GRIA3: variants seen among roughly 807,000 people sequenced by gnomAD.
GRIA3 encodes the protein glutamate receptor 3.
A neutral mutation model predicts 63.0 loss-of-function variants in GRIA3; 3 were observed. That is an observed-to-expected ratio of 0.05 (90% CI 0.02 to 0.12). GRIA3 has a LOEUF of 0.12. Among genes scored for constraint, GRIA3 ranks in the 10% least tolerant of loss-of-function variants. The pLI, the probability that GRIA3 is intolerant of heterozygous loss-of-function variation, is 1.00. For synonymous variants in GRIA3, 274 were observed against 257.9 expected (o/e 1.06, Z -0.60); for missense variants, 347 against 700.9 (o/e 0.50, Z 5.70).
intron 6 of GRIA3, 136 bp downstream of exon 6, chrX:123,395,265 C>T: frequency 1.8e-6 from 1 of 560,271 alleles, no homozygotes; most frequent in Non-Finnish European, 3.1e-6. Flanking sequence ...AAAACAACTG[C>T]AGGTGATGCT....
chrX:123,220,546 G>C (rs762608968), intron 2 of GRIA3, among the ~76,000 whole-genome samples: 1 of 111,043 alleles, frequency 9.0e-6, no homozygotes, highest in Non-Finnish European at 1.9e-5. Flanking sequence ...TCTACCTCAG[G>C]TAAAAGCTCA....
intron 3 of GRIA3, among the ~76,000 whole-genome samples, chrX:123,300,361 T>G (rs1479171991): frequency 8.7e-5 from 1 of 11,550 alleles, no homozygotes; most frequent in African/African-American, 3.3e-4. Context: ...GGTCCTGGGC[T>G]TTTTTTTTTT....
At chrX:123,436,268 C>T (rs184114854) in intron 12 of GRIA3, among the ~76,000 whole-genome samples, 1 of 111,671 alleles carries the variant, frequency 9.0e-6, no homozygotes, top group East Asian at 2.8e-4. Flanking sequence ...ATAAGATAAT[C>T]TCTCTGCTTT....
At chrX:123,200,604 T>TACACACACACAC (rs1227977653) in intron 2 of GRIA3, among the ~76,000 whole-genome samples, 3 of 68,357 alleles carry the variant, frequency 4.4e-5, no homozygotes, top group African/African-American at 1.7e-4. Context: ...CACACACACA[T>TACACACACACAC]ACATACACAC....
intron 12 of GRIA3, among the ~76,000 whole-genome samples, chrX:123,456,108 C>A (rs1272964765): frequency 9.0e-6 from 1 of 111,403 alleles, no homozygotes; most frequent in African/African-American, 3.3e-5. Context: ...CACTTACCCT[C>A]CCTTACCCTC....
intron 12 of GRIA3, among the ~76,000 whole-genome samples, chrX:123,463,382 T>C (rs1199189540): frequency 2.8e-5 from 3 of 106,614 alleles, no homozygotes; most frequent in Non-Finnish European, 5.8e-5. Context: ...ACCTCGTCTC[T>C]ACAAAAAAAT....
At chrX:123,410,296 T>C (rs1378325747) in intron 10 of GRIA3, among the ~76,000 whole-genome samples, 1 of 111,851 alleles carries the variant, frequency 8.9e-6, no homozygotes, top group Non-Finnish European at 1.9e-5. Flanking sequence ...ATGTTCCTTA[T>C]GTTCCTAGCA....
intron 5 of GRIA3, among the ~76,000 whole-genome samples, chrX:123,375,063 T>C (rs2045275451): frequency 8.9e-6 from 1 of 111,884 alleles, no homozygotes; most frequent in Admixed American, 9.5e-5. Context: ...TGTACAATAC[T>C]AGCTGTGGGA....
At chrX:123,372,425 T>C (rs2045252923) in intron 5 of GRIA3, among the ~76,000 whole-genome samples, 2 of 112,105 alleles carry the variant, frequency 1.8e-5, no homozygotes, top group South Asian at 7.4e-4. Flanking sequence ...CTTTGGTATT[T>C]TGATAAGGAT....
chrX:123,424,925 A>G (rs761107718), intron 11 of GRIA3, among the ~76,000 whole-genome samples: 1 of 111,869 alleles, frequency 8.9e-6, no homozygotes, highest in Non-Finnish European at 1.9e-5. Context: ...TAGACAATGC[A>G]TAAACTACCA....
At chrX:123,241,572 G>C (rs1406762495) in intron 2 of GRIA3, among the ~76,000 whole-genome samples, 2 of 110,446 alleles carry the variant, frequency 1.8e-5, no homozygotes, top group Non-Finnish European at 3.8e-5. Context: ...GGGTGGGGAG[G>C]GGTATCAGTT....
At chrX:123,310,265 T>C (rs1434351602) in intron 3 of GRIA3, among the ~76,000 whole-genome samples, 1 of 113,084 alleles carries the variant, frequency 8.8e-6, no homozygotes, top group Non-Finnish European at 1.9e-5. Flanking sequence ...CAGCCCCAGA[T>C]TCTAGTTTGC....
chrX:123,241,838 C>CA (rs1360738331), intron 2 of GRIA3, among the ~76,000 whole-genome samples: 74 of 104,038 alleles, frequency 7.1e-4, no homozygotes, highest in Admixed American at 3.0e-3. Flanking sequence ...ATACTTCAGA[C>CA]AAAAAAAAAA....
intron 2 of GRIA3, among the ~76,000 whole-genome samples, chrX:123,229,238 G>A (rs1484408687): frequency 9.0e-6 from 1 of 111,466 alleles, no homozygotes; most frequent in East Asian, 2.8e-4. Flanking sequence ...CCAGATTGAT[G>A]TGCTTTCCAT....
intron 12 of GRIA3, among the ~76,000 whole-genome samples, chrX:123,441,156 T>A (rs776770487): frequency 9.0e-6 from 1 of 111,726 alleles, no homozygotes; most frequent in African/African-American, 3.3e-5. Context: ...TCAAGGGGGA[T>A]GTGAGAATAT....
intron 3 of GRIA3, among the ~76,000 whole-genome samples, chrX:123,319,923 G>A (rs1048713473): frequency 9.0e-6 from 1 of 110,949 alleles, no homozygotes; most frequent in African/African-American, 3.3e-5. Flanking sequence ...AATCCCCCAG[G>A]GAGATTAAAA....
At chrX:123,325,611 G>A (rs773230539) in intron 3 of GRIA3, among the ~76,000 whole-genome samples, 2 of 111,584 alleles carry the variant, frequency 1.8e-5, no homozygotes, top group Non-Finnish European at 3.8e-5. Context: ...ATAATGAGGC[G>A]CTATCTCTAC....
chrX:123,304,018 A>AC (rs2044739780), intron 3 of GRIA3, among the ~76,000 whole-genome samples: 1 of 110,533 alleles, frequency 9.0e-6, no homozygotes, highest in African/African-American at 3.3e-5. Flanking sequence ...GGGTCAGTAC[A>AC]CATTTAGCCA....
chrX:123,412,006 A>T (rs1196991020), intron 10 of GRIA3, among the ~76,000 whole-genome samples: 1 of 111,495 alleles, frequency 9.0e-6, no homozygotes, highest in Non-Finnish European at 1.9e-5. Flanking sequence ...CCCATCCATA[A>T]TTCTTACCAC....
Sources: gnomAD v4.1 joint callset for allele counts (sites outside exome capture counted in the v4.1 genomes callset) on GRCh38, gnomAD v4.1.1 for gene constraint, MANE v1.5 for transcripts, NCBI Gene and HGNC (gene_info 2026-07-23, HGNC 2026-07-21) for gene names.